STRBP: variants seen among roughly 807,000 people sequenced by gnomAD.
STRBP encodes the protein spermatid perinuclear RNA-binding protein.
Under a neutral mutation model 80.1 loss-of-function variants are expected in STRBP, and 13 were observed. The ratio of observed to expected loss-of-function variants is 0.16; its 90% CI spans 0.11 to 0.26. The LOEUF is 0.26. Ranked by LOEUF, STRBP falls within the 10% of genes least tolerant of loss-of-function variation. STRBP has a pLI of 1.00. For missense variants in STRBP, 485 were observed against 815.2 expected (o/e 0.59, Z 4.93); for synonymous variants, 284 against 291.2 (o/e 0.98, Z 0.25).
At chr9:123,265,124 C>A (rs756210141) in intron 1 of STRBP, among the ~76,000 whole-genome samples, 2 of 152,050 alleles carry the variant, frequency 1.3e-5, no homozygotes, top group African/African-American at 2.4e-5. Context: ...TACAGTAATG[C>A]CTTCAGAGCA....
At chr9:123,152,920 A>T (rs538761085) in intron 11 of STRBP, among the ~76,000 whole-genome samples, 1 of 152,318 alleles carries the variant, frequency 6.6e-6, no homozygotes, top group East Asian at 1.9e-4. Context: ...ATAAATTTAC[A>T]TAGATGCAGC....
At chr9:123,206,302 A>G (rs1408747084) in intron 2 of STRBP, among the ~76,000 whole-genome samples, 3 of 152,232 alleles carry the variant, frequency 2.0e-5, no homozygotes, top group Non-Finnish European at 2.9e-5. Context: ...ATAAAGCTAA[A>G]AAACAGACAA....
In STRBP at chr9:123,124,958, G is replaced by A. The variant is rs889653786; in HGVS notation, c.*639C>T. On this transcript the variant is annotated 3_prime_UTR_variant, in exon 19 of 19. Transcript: ENST00000348403. Reference sequence around the variant, plus strand: ...TAGCACTTTGCTTACAAGTGAATGGGCTTCTAGGGCTAAGTTATTAGTTTT... The same window carrying A: ...TAGCACTTTGCTTACAAGTGAATGGACTTCTAGGGCTAAGTTATTAGTTTT... 1.0e-6 allele frequency: 1 copy of A among 985,604 alleles called. No individual in the cohort carries two copies. Among genetic ancestry groups the A allele is most frequent in the African/African-American group, 1.7e-5 (1 of 57,228 alleles). The allele number at this position is 985,604 out of a possible 1,614,324, so 61.1% of individuals were successfully genotyped here.
Position 123,159,151 on chromosome 9 carries a change from A to G in STRBP, c.780T>C (p.Ala260=), listed in dbSNP as rs780317088. 20 of 1,613,592 alleles carry G rather than the reference A, an allele frequency of 1.2e-5. No homozygotes were observed. The highest frequency in any genetic ancestry group is 1.6e-5 in the Non-Finnish European group (19 of 1,179,674). The change falls in exon 9 of 19, where the codon GCT becomes GCC. Residue 260 remains alanine (A), a synonymous_variant. Transcript: ENST00000348403. The part of the protein sequence containing the change: ...SIGTCNRPLG[A]GEALRRVMEC... ...CCATTACTCGTCTCAAGGCCTCCCC[A>G]GCGCCCAAAGGTCTATTACAAGTAC...
chr9:123,147,693 A>C (rs112262226), intron 12 of STRBP, 85 bp downstream of exon 12: 38 of 1,154,710 alleles, frequency 3.3e-5, no homozygotes, highest in African/African-American at 1.6e-4. Context: ...AAAAAAAAAA[A>C]AAAAAACCCT....
At chr9:123,135,865 C>T in intron 16 of STRBP, 176 bp downstream of exon 16, 1 of 654,436 alleles carries the variant, frequency 1.5e-6, no homozygotes, top group South Asian at 2.2e-5. Context: ...GTCCATAGAA[C>T]ATGAAACCAC....
chr9:123,135,806 T>C, intron 16 of STRBP: 1 of 366,170 alleles, frequency 2.7e-6, no homozygotes, highest in East Asian at 5.2e-5. Context: ...TAGCCTCATA[T>C]ATACATATAA....
At chr9:123,143,985 G>T (rs1458549051) in intron 13 of STRBP, among the ~76,000 whole-genome samples, 1 of 152,084 alleles carries the variant, frequency 6.6e-6, no homozygotes, top group African/African-American at 2.4e-5. Flanking sequence ...ATCACCTGAG[G>T]TCAGGAGTTC....
Position 123,123,942 on chromosome 9 carries a change from A to G in STRBP, c.*1655T>C, listed in dbSNP as rs1211448172. The G allele has an allele frequency of 1.0e-6, 1 of 985,304 alleles. No homozygotes were observed. Among genetic ancestry groups the G allele is most frequent in the East Asian group, 1.1e-4 (1 of 8,824 alleles). 61.0% of individuals were successfully genotyped at this position (985,304 alleles called of 1,614,324 possible). On this transcript the variant is annotated 3_prime_UTR_variant, in exon 19 of 19. Transcript: ENST00000348403. ...TTATGTCTAGCCACTAATGCACAGGATGAGAATGATAAGTTACAGCTATTT... is the reference window on the plus strand; with the variant it reads ...TTATGTCTAGCCACTAATGCACAGGGTGAGAATGATAAGTTACAGCTATTT...
At chr9:123,261,214 G>A (rs1472680462) in intron 1 of STRBP, among the ~76,000 whole-genome samples, 1 of 152,180 alleles carries the variant, frequency 6.6e-6, no homozygotes, top group African/African-American at 2.4e-5. Context: ...ATAATCCTGG[G>A]ACTCTGAGCT....
intron 1 of STRBP, among the ~76,000 whole-genome samples, chr9:123,265,255 CCTCATT>C (rs1269045480): frequency 6.6e-6 from 1 of 151,996 alleles, no homozygotes; most frequent in East Asian, 1.9e-4. Context: ...TCTGCTCCGC[CCTCATT>C]ATGTTTAGGC....
At chr9:123,166,042 G>A (rs1380571178) in intron 6 of STRBP, among the ~76,000 whole-genome samples, 3 of 152,134 alleles carry the variant, frequency 2.0e-5, no homozygotes, top group African/African-American at 7.2e-5. Context: ...GATTTATAGG[G>A]CTTTTTAAAA....
chr9:123,178,989 A>AG lies in STRBP; in HGVS notation c.224+17dup. 1 of 1,611,752 alleles carries AG rather than the reference A, an allele frequency of 6.2e-7. No individual in the cohort carries two copies. The highest frequency in any genetic ancestry group is 1.3e-5 in the African/African-American group (1 of 75,030). ...TGTGCACTCTAGCACAGCGTCCCAG[A>AG]GGTCAGTCCACACTCACTTGGAATA... On this transcript the variant is annotated intron_variant, in intron 4 of 18. Coordinates refer to ENST00000348403, the MANE Select transcript of STRBP (RefSeq NM_018387.5).
intron 1 of STRBP, among the ~76,000 whole-genome samples, chr9:123,260,463 A>T (rs1472223686): frequency 6.6e-6 from 1 of 152,234 alleles, no homozygotes; most frequent in Non-Finnish European, 1.5e-5. Flanking sequence ...TTCATGAGGC[A>T]TTATCTTTAT....
At chr9:123,200,239 G>A (rs779322333) in intron 2 of STRBP, among the ~76,000 whole-genome samples, 2 of 151,950 alleles carry the variant, frequency 1.3e-5, no homozygotes, top group Admixed American at 6.6e-5. Context: ...CAGATACTTC[G>A]ATTCTGTACC....
At chr9:123,261,981 T>G (rs2041169548) in intron 1 of STRBP, among the ~76,000 whole-genome samples, 1 of 152,224 alleles carries the variant, frequency 6.6e-6, no homozygotes, top group African/African-American at 2.4e-5. Context: ...AAAAATGAAC[T>G]GCCTCCATCT....
At chr9:123,205,723 A>G (rs1258278444) in intron 2 of STRBP, among the ~76,000 whole-genome samples, 1 of 152,238 alleles carries the variant, frequency 6.6e-6, no homozygotes, top group Non-Finnish European at 1.5e-5. Flanking sequence ...TAATATAGTA[A>G]TTTAATTTCC....
chr9:123,224,261 T>G (rs934999227), intron 2 of STRBP, among the ~76,000 whole-genome samples: 13 of 152,224 alleles, frequency 8.5e-5, no homozygotes, highest in African/African-American at 3.1e-4. Flanking sequence ...GCCCAAATCT[T>G]TTTTGTAACT....
chr9:123,258,619 C>G (rs1448704951), intron 1 of STRBP, among the ~76,000 whole-genome samples: 1 of 151,930 alleles, frequency 6.6e-6, no homozygotes, highest in African/African-American at 2.4e-5. Context: ...CTGGCTAACA[C>G]AGTGAAACCC....
Sources: allele counts gnomAD v4.1 joint callset (sites outside exome capture counted in the v4.1 genomes callset), GRCh38; gene constraint gnomAD v4.1.1; transcripts MANE v1.5; gene names NCBI Gene and HGNC (gene_info 2026-07-23, HGNC 2026-07-21).